FSIP2: variants seen among roughly 807,000 people sequenced by gnomAD.
FSIP2 encodes fibrous sheath interacting protein 2.
A neutral mutation model predicts 510.5 loss-of-function variants in FSIP2; 367 were observed. The ratio of observed to expected loss-of-function variants is 0.72; its 90% CI spans 0.66 to 0.78. The LOEUF is 0.78. FSIP2 is among the 30% of genes least tolerant of loss of function. The pLI, the probability that FSIP2 is intolerant of heterozygous loss-of-function variation, is 0.00. For missense variants in FSIP2, 7,594 were observed against 7,901.7 expected (o/e 0.96, Z 1.48); for synonymous variants, 2,601 against 2,732.2 (o/e 0.95, Z 1.50).
chr2:185,806,641 C>T lies in FSIP2; in HGVS notation c.17335C>T (p.Pro5779Ser). 3.7e-6 allele frequency: 6 copies of T among 1,605,808 alleles called. No homozygotes were observed. Among genetic ancestry groups the T allele is most frequent in the Non-Finnish European group, 5.1e-6 (6 of 1,177,216 alleles). ...TCCTCAAAACCAACGAGAAAGTAAA[C>T]CTGGAATTTTTCCCGCTAAGTTTTT... ...DDPQNQRESK[P>S]GIFPAKFLED... The change falls in exon 17 of 23, where the codon CCT becomes TCT. Residue 5779 changes from proline (P) to serine (S), a missense_variant. Physicochemically the swap from Pro to Ser is moderately conservative, Grantham distance 74. Transcript: ENST00000424728.
intron 13 of FSIP2, among the ~76,000 whole-genome samples, chr2:185,781,666 A>G (rs1692851126): frequency 6.6e-6 from 1 of 152,202 alleles, no homozygotes; most frequent in South Asian, 2.1e-4. Flanking sequence ...TACCTTCAGA[A>G]AGTTCTCCTA....
chr2:185,763,905 C>A (rs1294154588), intron 12 of FSIP2, among the ~76,000 whole-genome samples: 2 of 151,364 alleles, frequency 1.3e-5, no homozygotes, highest in Admixed American at 6.6e-5. Flanking sequence ...GTATGTTTAC[C>A]ACAATGCGAT....
Position 185,800,464 on chromosome 2 carries a change from G to C in FSIP2, c.11158G>C (p.Gly3720Arg), listed in dbSNP as rs11892184. Residue 3720 changes from glycine (G) to arginine (R), a missense_variant, in exon 17 of 23, where the codon GGT becomes CGT. Gly to Arg is a moderately radical substitution (Grantham distance 125). Transcript: ENST00000424728. The part of the protein sequence containing the change: ...DECLDTGMDS[G>R]KIQRTYFYSS... ...ATGCCTAGATACGGGTATGGATTCT[G>C]GTAAAATACAAAGAACATATTTCTA... is the stretch of plus-strand genomic sequence containing the variant. 8,106 of 1,532,478 alleles carry C rather than the reference G, an allele frequency of 5.3e-3. 212 individuals carry two copies. The African/African-American group carries it at 0.072, about 14-fold the overall frequency. 94.9% of individuals were successfully genotyped at this position (1,532,478 alleles called of 1,614,324 possible).
chr2:185,814,851 G>C (rs548456039), intron 18 of FSIP2, among the ~76,000 whole-genome samples: 13 of 151,948 alleles, frequency 8.6e-5, no homozygotes, highest in Middle Eastern at 3.4e-3. Context: ...TTCTGATGAG[G>C]CCATTCTCTT....
chr2:185,803,037 A>G lies in FSIP2; in HGVS notation c.13731A>G (p.Ala4577=). The stretch of plus-strand genomic sequence containing the variant: ...ATGACATTCTTATAGATAGAATAGC[A>G]GGTTTCATCATTAAACATATCTGTC... ...SSNDILIDRI[A]GFIIKHICQK... is the part of the protein sequence containing the mutation. Residue 4577 remains alanine, a synonymous_variant, in exon 17 of 23, where the codon GCA becomes GCG. Coordinates refer to ENST00000424728, the MANE Select transcript of FSIP2 (RefSeq NM_173651.4). The G allele has an allele frequency of 6.6e-7, 1 of 1,523,342 alleles. No individual in the cohort carries two copies. The highest frequency in any genetic ancestry group is 8.8e-7 in the Non-Finnish European group (1 of 1,141,698). 94.4% of individuals were successfully genotyped at this position (1,523,342 alleles called of 1,614,324 possible). A position where few individuals can be genotyped will look rare whatever the true frequency, so the allele number is the denominator to read the frequency against.
intron 22 of FSIP2, 58 bp downstream of exon 22, chr2:185,831,940 G>A: frequency 9.7e-7 from 1 of 1,031,408 alleles, no homozygotes; most frequent in Non-Finnish European, 1.5e-6. Context: ...GCATCATTTT[G>A]AATTTAGAAT....
intron 19 of FSIP2, among the ~76,000 whole-genome samples, chr2:185,820,794 A>T (rs1448828851): frequency 1.3e-5 from 2 of 151,468 alleles, no homozygotes; most frequent in Non-Finnish European, 3.0e-5. Context: ...AAGGGATACA[A>T]CAAAAACAAT....
chr2:185,801,342 C>T lies in FSIP2; in HGVS notation c.12036C>T (p.Asn4012=). 1 of 1,533,758 alleles carries T rather than the reference C, an allele frequency of 6.5e-7. No homozygotes were observed. The highest frequency in any genetic ancestry group is 8.7e-7 in the Non-Finnish European group (1 of 1,145,306). ...ATGAGATGAATACATTATTTGTCAACAATGTAGTGAATGAATTTAATAATG... is the reference window on the plus strand; with the variant it reads ...ATGAGATGAATACATTATTTGTCAATAATGTAGTGAATGAATTTAATAATG... ...WLNEMNTLFV[N]NVVNEFNNAQ... is the part of the protein sequence containing the mutation. Residue 4012 remains asparagine, a synonymous_variant, in exon 17 of 23, where the codon AAC becomes AAT. Coordinates refer to ENST00000424728, the MANE Select transcript of FSIP2 (RefSeq NM_173651.4).
intron 13 of FSIP2, among the ~76,000 whole-genome samples, chr2:185,772,852 CTTTTGT>C (rs1290353802): frequency 6.7e-6 from 1 of 148,434 alleles, no homozygotes; most frequent in African/African-American, 2.5e-5. Context: ...CCTTTCTTTT[CTTTTGT>C]TTTTGTTTTT....
chr2:185,752,631 G>T (rs2105543349), intron 7 of FSIP2, among the ~76,000 whole-genome samples: 1 of 151,144 alleles, frequency 6.6e-6, no homozygotes, highest in African/African-American at 2.4e-5. Flanking sequence ...ATACATCCAT[G>T]GTATTGCTCA....
rs191712071 is a variant in FSIP2 at position 185,831,979 on chromosome 2, C to G, written c.20587+97C>G. 722 of 731,366 alleles carry G rather than the reference C, an allele frequency of 9.9e-4. 2 individuals are homozygous for G. The highest frequency in any genetic ancestry group is 1.3e-3 in the Non-Finnish European group (517 of 409,934). The allele number at this position is 731,366 out of a possible 1,614,324, so 45.3% of individuals were successfully genotyped here. On this transcript the variant is annotated intron_variant, in intron 22 of 22. Coordinates refer to ENST00000424728, the MANE Select transcript of FSIP2 (RefSeq NM_173651.4). ...TTATTACTTTCCTGGAAATGAGTGG[C>G]TCTCCCCTTGCATATTATCAAAATA...
At position 185,801,229 on chromosome 2, in the gene FSIP2, T is replaced by C; in HGVS notation, c.11923T>C (p.Phe3975Leu). The C allele has an allele frequency of 2.0e-6, 3 of 1,534,194 alleles. No homozygotes were observed. Among genetic ancestry groups the C allele is most frequent in the African/African-American group, 1.4e-5 (1 of 72,988 alleles). ...ATATGCTGGTGTTTATTCAGCCACA[T>C]TTTTGGAAGGAATAATTTCAGAATT... ...GIYAGVYSATFLEGIISELFF... is the reference protein window; with the variant it reads ...GIYAGVYSATLLEGIISELFF... Residue 3975 changes from phenylalanine (F) to leucine (L), a missense_variant, in exon 17 of 23, where the codon TTT becomes CTT. By Grantham distance (22) the Phe-to-Leu change is conservative (BLOSUM62 0). Coordinates refer to ENST00000424728, the MANE Select transcript of FSIP2 (RefSeq NM_173651.4).
At chr2:185,740,779 A>G (rs919952909) in intron 2 of FSIP2, among the ~76,000 whole-genome samples, 1 of 152,064 alleles carries the variant, frequency 6.6e-6, no homozygotes, top group African/African-American at 2.4e-5. Context: ...TGTGGTCTCT[A>G]TAGGAACATT....
At chr2:185,745,389 A>G (rs1692007222) in intron 4 of FSIP2, 40 bp from the exon 5 acceptor site, 1 of 1,204,884 alleles carries the variant, frequency 8.3e-7, no homozygotes, top group African/African-American at 1.6e-5. Flanking sequence ...GGAAATGTAA[A>G]AAGCATTATA....
intron 13 of FSIP2, among the ~76,000 whole-genome samples, chr2:185,773,933 G>T (rs1692664937): frequency 1.3e-5 from 2 of 152,042 alleles, no homozygotes; most frequent in East Asian, 1.9e-4. Flanking sequence ...ATTTTTTAAG[G>T]CTTATATGTA....
chr2:185,788,773 C>G lies in FSIP2; in HGVS notation c.1637C>G (p.Ser546Cys). 6.5e-7 allele frequency: 1 copy of G among 1,534,490 alleles called. No homozygotes were observed. Among genetic ancestry groups the G allele is most frequent in the Non-Finnish European group, 8.7e-7 (1 of 1,145,758 alleles). The change falls in exon 16 of 23, where the codon TCT becomes TGT. Residue 546 changes from serine to cysteine, a missense_variant. By Grantham distance (112) the Ser-to-Cys change is moderately radical. Transcript: ENST00000424728. Reference protein sequence around the residue: ...KRLQNNTYPVSDDSILSSDSS... With the variant: ...KRLQNNTYPVCDDSILSSDSS... Reference sequence around the variant, plus strand: ...TTGCAAAATAATACATACCCAGTATCTGATGACTCCATCCTCTCTTCAGAT... The same window carrying G: ...TTGCAAAATAATACATACCCAGTATGTGATGACTCCATCCTCTCTTCAGAT...
rs987607823 is a variant in FSIP2 at position 185,793,981 on chromosome 2, A to G, written c.6845A>G (p.Lys2282Arg). Reference protein sequence around the residue: ...LITLAFQSKEKSFVIPELENC... With the variant: ...LITLAFQSKERSFVIPELENC... ...ACCCTTGCTTTCCAAAGTAAAGAAA[A>G]GTCATTTGTTATCCCAGAATTGGAA... is the stretch of plus-strand genomic sequence containing the variant. The change falls in exon 16 of 23, where the codon AAG becomes AGG. Residue 2282 changes from lysine to arginine, a missense_variant. Transcript: ENST00000424728. 6.5e-6 allele frequency: 10 copies of G among 1,531,938 alleles called. No individual in the cohort carries two copies. The African/African-American group carries it at 1.1e-4, about 17-fold the overall frequency. The allele number at this position is 1,531,938 out of a possible 1,614,324, so 94.9% of individuals were successfully genotyped here. A position where few individuals can be genotyped will look rare whatever the true frequency, so the allele number is the denominator to read the frequency against.
intron 9 of FSIP2, among the ~76,000 whole-genome samples, chr2:185,760,408 G>GA (rs11428864): frequency 0.32 from 46,254 of 144,228 alleles, 7,549 homozygotes; most frequent in Middle Eastern, 0.41. Flanking sequence ...CAGTAAAAAT[G>GA]AAAAAAAAAT....
intron 14 of FSIP2, among the ~76,000 whole-genome samples, chr2:185,783,481 A>C (rs2105598212): frequency 6.6e-6 from 1 of 152,298 alleles, no homozygotes; most frequent in East Asian, 1.9e-4. Flanking sequence ...ATTCCTATGA[A>C]GATGATTGAG....
Sources: gnomAD v4.1 joint callset for allele counts (sites outside exome capture counted in the v4.1 genomes callset) on GRCh38, gnomAD v4.1.1 for gene constraint, MANE v1.5 for transcripts, NCBI Gene and HGNC (gene_info 2026-07-23, HGNC 2026-07-21) for gene names.